Variants in NKAIN3 observed in about 807,000 individuals in gnomAD.
The protein encoded by NKAIN3 is sodium/potassium transporting ATPase interacting 3.
NKAIN3 carries 25 observed loss-of-function variants against 30.2 expected under a neutral mutation model. The ratio of observed to expected loss-of-function variants is 0.83; its 90% confidence interval spans 0.60 to 1.16. NKAIN3 has a LOEUF of 1.16. Ranked by LOEUF, NKAIN3 falls within the 50% of genes most tolerant of loss-of-function variation. NKAIN3 has a pLI of 0.00. For synonymous variants in NKAIN3, 91 were observed against 89.6 expected, an observed-to-expected ratio of 1.02 and a Z score of -0.09; for missense variants, 225 against 254.1, an observed-to-expected ratio of 0.89 and a Z score of 0.78.
intron 1 of NKAIN3, among the ~76,000 whole-genome samples, chr8:62,340,122 C>CTGTATTTTTATGTTTTTTAA (rs1815694210): frequency 1.3e-5 from 2 of 151,970 alleles, no homozygotes; most frequent in Non-Finnish European, 2.9e-5. Context: ...TGCAGGAAAA[C>CTGTATTTTTATGTTTTTTAA]TGTATTTTTA....
intron 4 of NKAIN3, among the ~76,000 whole-genome samples, chr8:62,897,601 A>G (rs536633276): frequency 1.3e-5 from 2 of 152,220 alleles, no homozygotes; most frequent in East Asian, 3.9e-4. Flanking sequence ...CCAAGGTGCT[A>G]TGGTTTGTTT....
At position 62,470,129 on chromosome 8, in the gene NKAIN3, T is replaced by C. The variant is rs181882967; in HGVS notation, c.55-109410T>C. 2.4e-3 allele frequency among the ~76,000 whole-genome samples: 362 copies of C among 152,320 alleles called. 2 individuals carry two copies. Among genetic ancestry groups the C allele is most frequent in the African/African-American group, 8.4e-3 (350 of 41,576 alleles). ...GAGCAATATTGTTTTATTGATTGGG[T>C]ACCTACTGATGGTAGCAATATGCAA... On this transcript the variant is annotated intron_variant, in intron 1 of 6. Transcript: ENST00000623646.
At chr8:62,821,819 G>A (rs1818855660) in intron 4 of NKAIN3, among the ~76,000 whole-genome samples, 1 of 151,140 alleles carries the variant, frequency 6.6e-6, no homozygotes, top group Non-Finnish European at 1.5e-5. Flanking sequence ...ATGAGTGTGA[G>A]TTTTACTAAA....
At position 62,861,581 on chromosome 8, in the gene NKAIN3, A is replaced by G. The variant is rs116691771; in HGVS notation, c.472-56872A>G. 3.1e-3 allele frequency among the ~76,000 whole-genome samples: 479 copies of G among 152,312 alleles called. 2 individuals are homozygous for G. The highest frequency in any genetic ancestry group is 0.011 in the African/African-American group (462 of 41,576). On this transcript the variant is annotated intron_variant, in intron 4 of 6. Coordinates refer to ENST00000623646, the MANE Select transcript of NKAIN3 (RefSeq NM_001304533.3). The stretch of plus-strand genomic sequence containing the variant: ...AAGAAAACAAAATATACTGTTCCTA[A>G]CACAGAAATCCCAGGACTTTGAAAT...
rs181620387 is a variant in NKAIN3, at chr8:62,781,068, A to G, written c.471+33939A>G. On this transcript the variant is annotated intron_variant, in intron 4 of 6. Coordinates refer to ENST00000623646, the MANE Select transcript of NKAIN3 (RefSeq NM_001304533.3). ...TCACCAAAAACTCTTAGAACTTACA[A>G]ACAAATTCAGTGAAGTTGCAGGATA... Among the ~76,000 whole-genome samples the G allele has an allele frequency of 7.5e-3, 1,140 of 152,192 alleles. 13 individuals carry two copies. The highest frequency in any genetic ancestry group is 0.026 in the African/African-American group (1,061 of 41,570).
chr8:62,316,056 TC>T (rs1814613904), intron 1 of NKAIN3, among the ~76,000 whole-genome samples: 1 of 152,056 alleles, frequency 6.6e-6, no homozygotes, highest in South Asian at 2.1e-4. Flanking sequence ...AAGGGACTTT[TC>T]CCCCTTTTTC....
intron 1 of NKAIN3, among the ~76,000 whole-genome samples, chr8:62,331,150 CT>C (rs1815342351): frequency 6.8e-6 from 1 of 147,472 alleles, no homozygotes; most frequent in Non-Finnish European, 1.5e-5. Context: ...CTTCCACCCC[CT>C]CTTCCTCCCC....
At chr8:62,455,634 T>A (rs564970999) in intron 1 of NKAIN3, among the ~76,000 whole-genome samples, 1 of 152,216 alleles carries the variant, frequency 6.6e-6, no homozygotes, top group East Asian at 1.9e-4. Flanking sequence ...AATATATGCA[T>A]GTAATACACT....
intron 1 of NKAIN3, among the ~76,000 whole-genome samples, chr8:62,539,614 C>A (rs1300050220): frequency 6.6e-6 from 1 of 152,132 alleles, no homozygotes; most frequent in African/African-American, 2.4e-5. Context: ...GTTTTTGAGA[C>A]GGTCTTGCTC....
chr8:62,788,264 T>C (rs1172053154), intron 4 of NKAIN3, among the ~76,000 whole-genome samples: 1 of 152,262 alleles, frequency 6.6e-6, no homozygotes, highest in African/African-American at 2.4e-5. Context: ...ATTATGGTTT[T>C]GATTTGCATT....
At chr8:62,838,129 CTGTG>C (rs4031520) in intron 4 of NKAIN3, among the ~76,000 whole-genome samples, 10 of 147,728 alleles carry the variant, frequency 6.8e-5, no homozygotes, top group South Asian at 2.2e-4. Context: ...CAATACCGCT[CTGTG>C]TGTGTGTGTG....
chr8:62,529,271 C>T (rs1026380854), intron 1 of NKAIN3, among the ~76,000 whole-genome samples: 12 of 152,170 alleles, frequency 7.9e-5, no homozygotes, highest in Admixed American at 7.2e-4. Context: ...GTTACTCTAA[C>T]CCCACTGAGG....
chr8:62,394,726 A>G (rs1235188661), intron 1 of NKAIN3, among the ~76,000 whole-genome samples: 2 of 141,274 alleles, frequency 1.4e-5, no homozygotes, highest in Non-Finnish European at 3.1e-5. Flanking sequence ...AGAGGTGCTC[A>G]TCACTTCCCA....
Position 62,965,360 on chromosome 8 carries a change from A to G in NKAIN3, c.610A>G (p.Ile204Val). The G allele has an allele frequency of 1.0e-6, 1 of 985,794 alleles. No homozygotes were observed. Among genetic ancestry groups the G allele is most frequent in the Non-Finnish European group, 1.2e-6 (1 of 829,886 alleles). 61.1% of individuals were successfully genotyped at this position (985,794 alleles called of 1,614,324 possible). The change falls in exon 7 of 7, where the codon ATA (isoleucine) becomes GTA (valine). Residue 204 changes from isoleucine (I) to valine (V), a missense_variant. Physicochemically the swap from Ile to Val is conservative, Grantham distance 29 (BLOSUM62 3). Coordinates refer to ENST00000623646, the MANE Select transcript of NKAIN3 (RefSeq NM_001304533.3). ...TTCGTATTTTCTGTTTTAGGTCGAA[A>G]TAAGTAATGACATTGAACCAGAAAT... ...VELKPVKPVE[I>V]SNDIEPEMRL...
rs148300003 is a variant in NKAIN3 at position 62,709,522 on chromosome 8, T to C, written c.274-37410T>C. ...TTTATGTGTGTAAAGGTGTTCATAG[T>C]AGCCTTGAATTACCTTTTGTATTTC... is the stretch of plus-strand genomic sequence containing the variant. On this transcript the variant is annotated intron_variant, in intron 3 of 6. Transcript: ENST00000623646. 4.3e-3 allele frequency among the ~76,000 whole-genome samples: 660 copies of C among 152,300 alleles called. 1 individual carries two copies. Among genetic ancestry groups the C allele is most frequent in the African/African-American group, 0.015 (621 of 41,566 alleles).
chr8:62,870,257 T>TAGATATAGATATCTATAG (rs1563603973), intron 4 of NKAIN3, among the ~76,000 whole-genome samples: 3 of 85,008 alleles, frequency 3.5e-5, no homozygotes, highest in Admixed American at 1.2e-4. Flanking sequence ...TATCTATATA[T>TAGATATAGATATCTATAG]ATATCTATAT....
At chr8:62,419,842 A>T (rs1156527472) in intron 1 of NKAIN3, among the ~76,000 whole-genome samples, 1 of 152,162 alleles carries the variant, frequency 6.6e-6, no homozygotes, top group African/African-American at 2.4e-5. Flanking sequence ...ATCAGTTCCC[A>T]TAGGTCCAAC....
intron 4 of NKAIN3, among the ~76,000 whole-genome samples, chr8:62,765,220 C>T (rs1433001445): frequency 8.4e-6 from 1 of 118,584 alleles, no homozygotes; most frequent in Non-Finnish European, 1.6e-5. Context: ...GCACTCCAGC[C>T]TGGGTGATGG....
chr8:62,543,022 C>T (rs1808893241), intron 1 of NKAIN3, among the ~76,000 whole-genome samples: 1 of 152,130 alleles, frequency 6.6e-6, no homozygotes, highest in South Asian at 2.1e-4. Context: ...AAAGAGGTGC[C>T]ATGTAAGTAT....
Sources: allele counts gnomAD v4.1 joint callset (sites outside exome capture counted in the v4.1 genomes callset), GRCh38; gene constraint gnomAD v4.1.1; transcripts MANE v1.5; gene names NCBI Gene and HGNC (gene_info 2026-07-23, HGNC 2026-07-21).